The following IQCK variants were observed in gnomAD, a reference collection of about 807,000 sequenced individuals.
IQCK encodes the protein IQ motif containing K, also known as IQ domain-containing protein K.
In IQCK, 29 loss-of-function variants were observed where a neutral mutation model predicts 28.1. The ratio of observed to expected loss-of-function variants is 1.03; its 90% CI spans 0.77 to 1.41. The LOEUF (loss-of-function observed/expected upper bound fraction) is 1.41. IQCK is among the 40% of genes most tolerant of loss of function. The probability of loss-of-function intolerance (pLI) is 0.00; values close to 1 mark genes in which losing one functional copy is unlikely to be tolerated. For synonymous variants in IQCK, 113 were observed against 115.1 expected (o/e 0.98, Z 0.12); for missense variants, 359 against 314.7 (o/e 1.14, Z -1.07).
At chr16:19,718,354 C>T (rs781387445) in exon 1 of IQCK, 16 of 1,610,336 alleles carry the variant, frequency 9.9e-6, no homozygotes, top group Non-Finnish European at 1.4e-5. Context: ...GCCTCAAGCC[C>T]AGCTGCTCTA....
At chr16:19,773,369 A>G (rs1021865) in intron 6 of IQCK, among the ~76,000 whole-genome samples, 51,932 of 151,994 alleles carry the variant, frequency 0.34, 13,912 homozygotes, top group African/African-American at 0.75. Context: ...TTAGTCTCAG[A>G]TAACGCCAAC....
At chr16:19,721,389 C>T (rs1015836621) in intron 1 of IQCK, among the ~76,000 whole-genome samples, 6 of 152,256 alleles carry the variant, frequency 3.9e-5, no homozygotes, top group Middle Eastern at 3.4e-3. Context: ...ACCACTATAA[C>T]TTATTTGTAA....
intron 4 of IQCK, among the ~76,000 whole-genome samples, chr16:19,741,335 C>G (rs1047455171): frequency 3.9e-5 from 6 of 152,082 alleles, no homozygotes; most frequent in Admixed American, 3.9e-4. Flanking sequence ...AATTTATACC[C>G]TTTCAGAGGG....
intron 9 of IQCK, among the ~76,000 whole-genome samples, chr16:19,842,512 C>T (rs937180172): frequency 1.3e-5 from 2 of 152,194 alleles, no homozygotes; most frequent in South Asian, 4.1e-4. Flanking sequence ...TGTACTTTAA[C>T]ATCTTCTGTA....
chr16:19,725,192 TA>T (rs1294289073), intron 1 of IQCK, among the ~76,000 whole-genome samples: 8 of 152,186 alleles, frequency 5.3e-5, no homozygotes, highest in African/African-American at 1.9e-4. Flanking sequence ...ATACCTGATT[TA>T]AAAAAATTTT....
chr16:19,768,848 C>T (rs1040484046), intron 6 of IQCK, among the ~76,000 whole-genome samples: 2 of 152,104 alleles, frequency 1.3e-5, no homozygotes, highest in Non-Finnish European at 2.9e-5. Flanking sequence ...ACAAATTGCC[C>T]CCAAATTTAG....
chr16:19,815,544 G>A (rs143369499), intron 7 of IQCK, among the ~76,000 whole-genome samples: 1,933 of 152,250 alleles, frequency 0.013, 36 homozygotes, highest in African/African-American at 0.043. Flanking sequence ...GGTGGTTTGT[G>A]CCTGTAGTAC....
At chr16:19,721,690 A>G (rs62024961) in intron 1 of IQCK, among the ~76,000 whole-genome samples, 24,735 of 151,514 alleles carry the variant, frequency 0.16, 2,175 homozygotes, top group South Asian at 0.27. Flanking sequence ...GATTCAAGCA[A>G]TTCTCCTGCT....
intron 4 of IQCK, among the ~76,000 whole-genome samples, chr16:19,745,948 G>A (rs1414668420): frequency 6.6e-6 from 1 of 152,112 alleles, no homozygotes; most frequent in African/African-American, 2.4e-5. Flanking sequence ...TTCCAAGAGG[G>A]TAAAAGCAAA....
chr16:19,757,594 C>T (rs1205035548), intron 4 of IQCK, among the ~76,000 whole-genome samples: 6 of 152,200 alleles, frequency 3.9e-5, no homozygotes. Flanking sequence ...GGCTTGAACC[C>T]AGGTGGTGGA....
At chr16:19,725,458 A>G (rs1449385003) in intron 1 of IQCK, among the ~76,000 whole-genome samples, 2 of 152,168 alleles carry the variant, frequency 1.3e-5, no homozygotes, top group Non-Finnish European at 2.9e-5. Flanking sequence ...TGGCTTCCCA[A>G]AATGTTAGGA....
At chr16:19,835,222 G>A (rs1173724424) in intron 9 of IQCK, among the ~76,000 whole-genome samples, 1 of 151,984 alleles carries the variant, frequency 6.6e-6, no homozygotes, top group African/African-American at 2.4e-5. Flanking sequence ...GGTGGAGGTT[G>A]CAGTGAGCCG....
intron 7 of IQCK, among the ~76,000 whole-genome samples, chr16:19,817,019 C>G (rs1842719037): frequency 6.6e-6 from 1 of 152,080 alleles, no homozygotes; most frequent in South Asian, 2.1e-4. Flanking sequence ...GCTATCGGAT[C>G]CAGGGTTGGC....
chr16:19,748,772 T>C (rs1328442859), intron 4 of IQCK, among the ~76,000 whole-genome samples: 1 of 152,114 alleles, frequency 6.6e-6, no homozygotes, highest in African/African-American at 2.4e-5. Flanking sequence ...TTTAAAATGA[T>C]AGGTATTAGT....
intron 9 of IQCK, among the ~76,000 whole-genome samples, chr16:19,842,756 C>T (rs951807602): frequency 2.6e-5 from 4 of 152,178 alleles, no homozygotes; most frequent in Non-Finnish European, 1.5e-5. Context: ...CTCCATTTCT[C>T]TTCACGCTTG....
chr16:19,848,244 A>G (rs766866789), intron 9 of IQCK, among the ~76,000 whole-genome samples: 2 of 152,172 alleles, frequency 1.3e-5, no homozygotes, highest in African/African-American at 2.4e-5. Context: ...CTTAATGACT[A>G]ATGACGTTGC....
At chr16:19,839,128 G>A (rs2056334398) in intron 9 of IQCK, among the ~76,000 whole-genome samples, 1 of 150,136 alleles carries the variant, frequency 6.7e-6, no homozygotes, top group Non-Finnish European at 1.5e-5. Flanking sequence ...CAGCTTTGAA[G>A]TGGCAGAACT....
intron 1 of IQCK, among the ~76,000 whole-genome samples, chr16:19,719,226 A>G (rs998250294): frequency 1.3e-5 from 2 of 152,190 alleles, no homozygotes; most frequent in Non-Finnish European, 2.9e-5. Context: ...TATTGGGGAA[A>G]AAAAAACACA....
rs151081503 is a variant in IQCK at position 19,778,313 on chromosome 16, T to C, written c.606-10525T>C. ...GCATTCTTGTGGGACTAAGCCCTTA[T>C]CCTGTGGGCTCCCTGTGGGCCTTCT... On this transcript the variant is annotated intron_variant, in intron 6 of 7. Coordinates refer to ENST00000564186, the Ensembl canonical transcript of IQCK. Among the ~76,000 whole-genome samples the C allele has an allele frequency of 4.7e-3, 713 of 152,212 alleles. 5 individuals are homozygous for C. The highest frequency in any genetic ancestry group is 0.017 in the African/African-American group (696 of 41,544).
Sources: allele counts gnomAD v4.1 joint callset (sites outside exome capture counted in the v4.1 genomes callset), GRCh38; gene constraint gnomAD v4.1.1; transcripts MANE v1.5; gene names NCBI Gene and HGNC (gene_info 2026-07-23, HGNC 2026-07-21).